ZNF536: variants seen among roughly 807,000 people sequenced by gnomAD.
ZNF536 encodes the protein zinc finger protein 536.
In ZNF536, 13 loss-of-function variants were observed where a neutral mutation model predicts 84.5. The observed-to-expected ratio is 0.15, with a 90% CI of 0.10 to 0.24. The LOEUF (loss-of-function observed/expected upper bound fraction) is 0.24. Among genes scored for constraint, ZNF536 ranks in the 10% least tolerant of loss-of-function variants. The probability of loss-of-function intolerance (pLI) is 1.00; values close to 1 mark genes in which losing one functional copy is unlikely to be tolerated. For synonymous variants in ZNF536, 811 were observed against 742.5 expected, an observed-to-expected ratio of 1.09 and a Z score of -1.50; for missense variants, 1,536 against 1,747.5, an observed-to-expected ratio of 0.88 and a Z score of 2.16.
chr19:30,574,655 G>A (rs1186768454), intron 1 of ZNF536, among the ~76,000 whole-genome samples: 7 of 152,170 alleles, frequency 4.6e-5, no homozygotes, highest in Admixed American at 4.6e-4. Context: ...TGCTCACTTA[G>A]CTTGAAGCCC....
At chr19:30,582,375 C>T (rs1309566810) in intron 1 of ZNF536, among the ~76,000 whole-genome samples, 2 of 89,164 alleles carry the variant, frequency 2.2e-5, no homozygotes, top group African/African-American at 3.9e-5. Context: ...CCTAGTTTCT[C>T]TTTTTTTTTT....
At chr19:30,270,134 T>C (rs1262151070) in intron 1 of ZNF536, among the ~76,000 whole-genome samples, 1 of 152,210 alleles carries the variant, frequency 6.6e-6, no homozygotes. Context: ...GCAGGGCCTA[T>C]GTGTTTGATA....
At chr19:30,463,242 A>G (rs1389995584) in intron 2 of ZNF536, among the ~76,000 whole-genome samples, 3 of 152,094 alleles carry the variant, frequency 2.0e-5, no homozygotes, top group Non-Finnish European at 1.5e-5. Context: ...TCCTTAGAGG[A>G]GAGGTATCTG....
chr19:30,617,288 C>CCCT (rs1223054369), intron 1 of ZNF536, among the ~76,000 whole-genome samples: 3 of 147,540 alleles, frequency 2.0e-5, no homozygotes, highest in Non-Finnish European at 3.0e-5. Flanking sequence ...TCCCCTCCCA[C>CCCT]CCTTTCCCCA....
At chr19:30,510,349 G>A (rs1733699805) in intron 2 of ZNF536, among the ~76,000 whole-genome samples, 2 of 152,196 alleles carry the variant, frequency 1.3e-5, no homozygotes, top group Non-Finnish European at 2.9e-5. Context: ...TCCAGCACAA[G>A]GCAGACAGGT....
intron 2 of ZNF536, among the ~76,000 whole-genome samples, chr19:30,465,603 G>A (rs989268978): frequency 2.6e-5 from 4 of 152,152 alleles, no homozygotes; most frequent in Non-Finnish European, 5.9e-5. Flanking sequence ...TAAAATACAC[G>A]TAACAGGTTG....
upstream of ZNF536, among the ~76,000 whole-genome samples, chr19:30,227,561 G>C (rs2022683221): frequency 6.6e-6 from 1 of 152,130 alleles, no homozygotes; most frequent in South Asian, 2.1e-4. Context: ...CAGAAAATAC[G>C]GCAGCTGCGA....
rs2146175094 is a variant in ZNF536, at chr19:30,547,978, G to A, written c.2359G>A (p.Ala787Thr). 1 of 1,590,988 alleles carries A rather than the reference G, an allele frequency of 6.3e-7. No homozygotes were observed. The highest frequency in any genetic ancestry group is 1.7e-4 in the Middle Eastern group (1 of 5,902). Residue 787 changes from alanine to threonine, a missense_variant, in exon 4 of 5, where the codon GCC becomes ACC. By Grantham distance (58) the Ala-to-Thr change is moderately conservative (BLOSUM62 0). Around this residue, in one of 8 missense-constraint regions of ZNF536, gnomAD observed 148 missense variants for 205.4 expected, o/e 0.72. Transcript: ENST00000355537. ...KPYKCPHCDY[A>T]GTQSASLKYH... ...CTACAAGTGTCCGCACTGTGACTAT[G>A]CCGGCACGCAGTCAGCATCCTTAAA... is the stretch of plus-strand genomic sequence containing the variant.
At chr19:30,495,503 G>T (rs1163393545) in intron 2 of ZNF536, among the ~76,000 whole-genome samples, 1 of 152,212 alleles carries the variant, frequency 6.6e-6, no homozygotes, top group African/African-American at 2.4e-5. Context: ...ACAAGCAGAG[G>T]CATGCTGGTG....
chr19:30,710,518 G>A (rs2052420270), intron 1 of ZNF536, among the ~76,000 whole-genome samples: 1 of 152,198 alleles, frequency 6.6e-6, no homozygotes, highest in African/African-American at 2.4e-5. Flanking sequence ...CCCAGCCTGA[G>A]ATGAGGAACG....
rs1419881300 is a variant in ZNF536, at chr19:30,464,735, GGA to G, written c.2170+19011_2170+19012del. ...ACATGGGTCCAGGAGACTATTCAGGGGAGAGAGAGCCTGAGCACAGGAGAAAG... is the reference window on the plus strand; with the variant it reads ...ACATGGGTCCAGGAGACTATTCAGGGGAGAGAGCCTGAGCACAGGAGAAAG... On this transcript the variant is annotated intron_variant, in intron 2 of 4. Transcript: ENST00000355537. Among the ~76,000 whole-genome samples, 4 of 151,956 alleles carry G rather than the reference GGA, an allele frequency of 2.6e-5. No individual in the cohort carries two copies. In the East Asian group the frequency reaches 7.8e-4, roughly 29 times the overall value.
intron 1 of ZNF536, among the ~76,000 whole-genome samples, chr19:30,237,817 T>C (rs2023652239): frequency 6.6e-6 from 1 of 152,114 alleles, no homozygotes; most frequent in Admixed American, 6.5e-5. Flanking sequence ...TTGCTTCCTC[T>C]CTCAATAAGA....
At position 30,514,042 on chromosome 19, in the gene ZNF536, C is replaced by T. The variant is rs963655510; in HGVS notation, c.2171-20805C>T. Reference sequence around the variant, plus strand: ...AATGCACCAGCTCAGTGAGACCTGGCGAGCCAGGTCCTGTTTCTACCTGCC... The same window carrying T: ...AATGCACCAGCTCAGTGAGACCTGGTGAGCCAGGTCCTGTTTCTACCTGCC... On this transcript the variant is annotated intron_variant, in intron 2 of 4. Transcript: ENST00000355537. Among the ~76,000 whole-genome samples the T allele has an allele frequency of 5.3e-5, 8 of 152,078 alleles. No individual in the cohort carries two copies. The East Asian group carries it at 1.2e-3, about 22-fold the overall frequency.
At chr19:30,624,703 T>A (rs1265550829) in intron 1 of ZNF536, among the ~76,000 whole-genome samples, 2 of 152,182 alleles carry the variant, frequency 1.3e-5, no homozygotes, top group Non-Finnish European at 2.9e-5. Context: ...TCAGGGTGTG[T>A]CCTTGGAATA....
chr19:30,291,159 T>A (rs898248998), intron 2 of ZNF536, among the ~76,000 whole-genome samples: 4 of 152,246 alleles, frequency 2.6e-5, no homozygotes, highest in Non-Finnish European at 5.9e-5. Flanking sequence ...TGTGTGCATG[T>A]GTCTTCATAG....
chr19:30,611,242 C>G (rs1430568667), intron 1 of ZNF536, among the ~76,000 whole-genome samples: 1 of 152,078 alleles, frequency 6.6e-6, no homozygotes, highest in Non-Finnish European at 1.5e-5. Flanking sequence ...TCCTCTCTTC[C>G]CATCCCTGTA....
chr19:30,234,276 C>T (rs976825429), intron 1 of ZNF536, among the ~76,000 whole-genome samples: 2 of 152,090 alleles, frequency 1.3e-5, no homozygotes, highest in African/African-American at 4.8e-5. Context: ...CTAGGTGGGC[C>T]TGGCTCCTGG....
chr19:30,707,028 T>C (rs1310727320), intron 1 of ZNF536, among the ~76,000 whole-genome samples: 4 of 152,226 alleles, frequency 2.6e-5, no homozygotes, highest in African/African-American at 9.7e-5. Flanking sequence ...TCTTGCTTAA[T>C]AGTGTCCATT....
intron 1 of ZNF536, among the ~76,000 whole-genome samples, chr19:30,420,372 C>T (rs2050903358): frequency 6.6e-6 from 1 of 152,144 alleles, no homozygotes; most frequent in Non-Finnish European, 1.5e-5. Flanking sequence ...ATACCTTTAA[C>T]CCATTCTTTC....
Sources: gnomAD v4.1 joint callset for allele counts (sites outside exome capture counted in the v4.1 genomes callset) on GRCh38, gnomAD v4.1.1 for gene constraint, gnomAD v4.1.1 regional missense constraint, MANE v1.5 for transcripts, NCBI Gene and HGNC (gene_info 2026-07-23, HGNC 2026-07-21) for gene names.